The following SRSF11 variants were observed in gnomAD, a reference collection of about 807,000 sequenced individuals.
SRSF11 encodes the protein serine/arginine-rich splicing factor 11.
Under a neutral mutation model 56.0 loss-of-function variants are expected in SRSF11, and 9 were observed. That is an observed-to-expected ratio of 0.16 (90% CI 0.10 to 0.28). The LOEUF is 0.28. SRSF11 is among the 10% of genes least tolerant of loss of function. The pLI is 1.00. For synonymous variants in SRSF11, 222 were observed against 215.3 expected (o/e 1.03, Z -0.27); for missense variants, 421 against 600.7 (o/e 0.70, Z 3.13).
intron 1 of SRSF11, among the ~76,000 whole-genome samples, chr1:70,214,963 A>G (rs1669880835): frequency 6.7e-6 from 1 of 149,672 alleles, no homozygotes; most frequent in African/African-American, 2.5e-5. Context: ...CAATGGCACA[A>G]TCTCAGCTTA....
intron 2 of SRSF11, chr1:70,229,760 A>T: frequency 2.0e-6 from 2 of 984,470 alleles, no homozygotes; most frequent in Non-Finnish European, 2.4e-6. Flanking sequence ...TCTAGTCCTT[A>T]ACAGAGAAGT....
In SRSF11 at chr1:70,234,803, C is replaced by T; in HGVS notation, c.540+15C>T. 1.9e-6 allele frequency: 3 copies of T among 1,568,230 alleles called. No individual in the cohort carries two copies. Among genetic ancestry groups the T allele is most frequent in the Non-Finnish European group, 2.6e-6 (3 of 1,157,536 alleles). ...TGAACTCTCAGGTATACCTTAGTAACTTCAAATTTTTCACCCATTTTTACA... is the reference window on the plus strand; with the variant it reads ...TGAACTCTCAGGTATACCTTAGTAATTTCAAATTTTTCACCCATTTTTACA... On this transcript the variant is annotated intron_variant, in intron 4 of 11. Transcript: ENST00000370949.
At chr1:70,231,354 G>A (rs1297138780) in intron 2 of SRSF11, 2 of 1,060,152 alleles carry the variant, frequency 1.9e-6, no homozygotes, top group East Asian at 8.0e-5. Context: ...GGCTTTTGCT[G>A]TTGGATAGAA....
intron 1 of SRSF11, among the ~76,000 whole-genome samples, chr1:70,225,033 G>A (rs563761788): frequency 6.6e-6 from 1 of 152,328 alleles, no homozygotes; most frequent in East Asian, 1.9e-4. Context: ...GTCAGAACTA[G>A]AACTTGAACC....
chr1:70,207,190 C>G (rs1669125672), intron 1 of SRSF11, among the ~76,000 whole-genome samples: 1 of 152,076 alleles, frequency 6.6e-6, no homozygotes, highest in African/African-American at 2.4e-5. Flanking sequence ...CCGTGCCCAG[C>G]CTGAGTTTTA....
At chr1:70,236,057 A>G (rs929671775) in intron 5 of SRSF11, among the ~76,000 whole-genome samples, 1 of 152,140 alleles carries the variant, frequency 6.6e-6, no homozygotes, top group Non-Finnish European at 1.5e-5. Flanking sequence ...TGAACTTTAT[A>G]CCTTTTCCCC....
intron 7 of SRSF11, among the ~76,000 whole-genome samples, chr1:70,242,381 C>T (rs1158715929): frequency 6.6e-6 from 1 of 151,904 alleles, no homozygotes; most frequent in Non-Finnish European, 1.5e-5. Flanking sequence ...ACACCCCACA[C>T]CCCCACCAGG....
In SRSF11 at chr1:70,246,972, G is replaced by T. The variant is rs909935872; in HGVS notation, c.1022+65G>T. The T allele has an allele frequency of 1.9e-5, 25 of 1,339,198 alleles. No homozygotes were observed. The East Asian group carries it at 5.9e-4, about 31-fold the overall frequency. 83.0% of individuals were successfully genotyped at this position (1,339,198 alleles called of 1,614,324 possible). On this transcript the variant is annotated intron_variant, in intron 9 of 11. Coordinates refer to ENST00000370949, the MANE Select transcript of SRSF11 (RefSeq NM_001350605.2). ...ACTTTGCTTCTAACAGTATCAGTAC[G>T]CTGTCAGTATGAAGTCTTTTCCAGA...
At position 70,250,980 on chromosome 1, in the gene SRSF11, A is replaced by G; in HGVS notation, c.*175A>G. On this transcript the variant is annotated 3_prime_UTR_variant, in exon 12 of 12. Coordinates refer to ENST00000370949, the MANE Select transcript of SRSF11 (RefSeq NM_001350605.2). ...ATTTACATCAAAAAGCTTTTAGAAAATGGTACGAGGTAACCAATTCTTGTC... is the reference window on the plus strand; with the variant it reads ...ATTTACATCAAAAAGCTTTTAGAAAGTGGTACGAGGTAACCAATTCTTGTC... 2 of 593,268 alleles carry G rather than the reference A, an allele frequency of 3.4e-6. No homozygotes were observed. Among genetic ancestry groups the G allele is most frequent in the Non-Finnish European group, 5.8e-6 (2 of 343,186 alleles). 36.8% of individuals were successfully genotyped at this position (593,268 alleles called of 1,614,324 possible).
At chr1:70,220,687 T>G (rs997992614), upstream of SRSF11, 7 of 151,970 alleles carry the variant, frequency 4.6e-5, no homozygotes, top group Admixed American at 3.3e-4. Flanking sequence ...CCATGTCTAC[T>G]AAAAATACAA....
At chr1:70,213,260 G>C (rs529559920) in intron 1 of SRSF11, among the ~76,000 whole-genome samples, 1 of 152,158 alleles carries the variant, frequency 6.6e-6, no homozygotes, top group African/African-American at 2.4e-5. Context: ...CTAATTAGAA[G>C]AAGTATTTAT....
At chr1:70,234,290 A>G (rs1673466114) in intron 3 of SRSF11, among the ~76,000 whole-genome samples, 1 of 152,228 alleles carries the variant, frequency 6.6e-6, no homozygotes, top group African/African-American at 2.4e-5. Flanking sequence ...CTCCGGTAGC[A>G]CAAAACAGCA....
chr1:70,216,222 C>T (rs1222849032), intron 1 of SRSF11, among the ~76,000 whole-genome samples: 1 of 152,008 alleles, frequency 6.6e-6, no homozygotes, highest in Non-Finnish European at 1.5e-5. Flanking sequence ...TATAAAGCCT[C>T]ATTGTCTAAT....
Position 70,234,782 on chromosome 1 carries a change from CTCT to C in SRSF11, c.535_537del (p.Ser179del). 6.2e-7 allele frequency: 1 copy of C among 1,609,190 alleles called. No homozygotes were observed. Among genetic ancestry groups the C allele is most frequent in the Non-Finnish European group, 8.5e-7 (1 of 1,177,376 alleles). On this transcript the variant is annotated inframe_deletion, in exon 4 of 12. Coordinates refer to ENST00000370949, the MANE Select transcript of SRSF11 (RefSeq NM_001350605.2). ...TTGGGCTTCCTGGAGCAAACTTGAA[CTCT>C]CAGGTATACCTTAGTAACTTCAAAT...
rs1055286717 is a variant in SRSF11, at chr1:70,229,904, A to C, written c.337+1349A>C. 22 of 985,186 alleles carry C rather than the reference A, an allele frequency of 2.2e-5. No homozygotes were observed. The African/African-American group carries it at 3.5e-4, about 16-fold the overall frequency. The allele number at this position is 985,186 out of a possible 1,614,324, so 61.0% of individuals were successfully genotyped here. A position where few individuals can be genotyped will look rare whatever the true frequency, so the allele number is the denominator to read the frequency against. On this transcript the variant is annotated intron_variant, in intron 2 of 11. Coordinates refer to ENST00000370949, the MANE Select transcript of SRSF11 (RefSeq NM_001350605.2). Reference sequence around the variant, plus strand: ...AGGTTTTGTAATGTATAGATAGATAAATTTTTGAGTTAGTGTGTTTTGGTT... The same window carrying C: ...AGGTTTTGTAATGTATAGATAGATACATTTTTGAGTTAGTGTGTTTTGGTT...
chr1:70,226,140 G>A (rs960153676), intron 1 of SRSF11, among the ~76,000 whole-genome samples: 4 of 151,452 alleles, frequency 2.6e-5, no homozygotes, highest in East Asian at 3.9e-4. Context: ...GCGGTGAGCC[G>A]AGATCGTGCC....
At position 70,234,814 on chromosome 1, in the gene SRSF11, T is replaced by C. The variant is rs752791910; in HGVS notation, c.540+26T>C. ...GTATACCTTAGTAACTTCAAATTTT[T>C]CACCCATTTTTACAGAAGATCTGTT... On this transcript the variant is annotated intron_variant, in intron 4 of 11. Transcript: ENST00000370949. 2.1e-5 allele frequency: 33 copies of C among 1,548,002 alleles called. No individual in the cohort carries two copies. The East Asian group carries it at 7.3e-4, about 34-fold the overall frequency.
At chr1:70,249,112 A>G (rs140516219) in intron 9 of SRSF11, 149 of 152,226 alleles carry the variant, frequency 9.8e-4, no homozygotes, top group African/African-American at 3.5e-3. Context: ...TATCAGCTGT[A>G]TATCTTCAAA....
intron 2 of SRSF11, chr1:70,229,319 C>T: frequency 7.8e-7 from 1 of 1,277,178 alleles, no homozygotes; most frequent in South Asian, 1.3e-5. Flanking sequence ...TCAAGTGCCC[C>T]AAGTGTTTTC....
Sources: gnomAD v4.1 joint callset for allele counts (sites outside exome capture counted in the v4.1 genomes callset) on GRCh38, gnomAD v4.1.1 for gene constraint, MANE v1.5 for transcripts, NCBI Gene and HGNC (gene_info 2026-07-23, HGNC 2026-07-21) for gene names.